Variants in IL1RAPL2 observed in about 807,000 individuals in gnomAD.
IL1RAPL2 encodes the protein X-linked interleukin-1 receptor accessory protein-like 2.
Under a neutral mutation model 44.1 loss-of-function variants are expected in IL1RAPL2, and 3 were observed. That is an observed-to-expected ratio of 0.07 (90% CI 0.03 to 0.18). IL1RAPL2 has a LOEUF of 0.18. Ranked by LOEUF, IL1RAPL2 falls within the 10% of genes least tolerant of loss-of-function variation. The pLI is 1.00. For missense variants in IL1RAPL2, 391 were observed against 496.4 expected (o/e 0.79, Z 2.02); for synonymous variants, 181 against 178.8 (o/e 1.01, Z -0.10).
chrX:105,235,800 C>G (rs1002188552), intron 4 of IL1RAPL2, among the ~76,000 whole-genome samples: 4 of 112,199 alleles, frequency 3.6e-5, no homozygotes, highest in African/African-American at 1.3e-4. Flanking sequence ...TTGTTTAAAT[C>G]TCAGTGCAAC....
At chrX:104,651,240 G>A (rs7879244) in intron 1 of IL1RAPL2, among the ~76,000 whole-genome samples, 18,956 of 111,365 alleles carry the variant, frequency 0.17, 3,934 homozygotes, top group African/African-American at 0.59. Context: ...TAGTTAAATT[G>A]TACAGTTCCA....
At chrX:105,553,522 A>G (rs1270464125) in intron 6 of IL1RAPL2, among the ~76,000 whole-genome samples, 1 of 112,139 alleles carries the variant, frequency 8.9e-6, no homozygotes, top group African/African-American at 3.2e-5. Flanking sequence ...AGAAAGTCCA[A>G]TTAATCAAGG....
intron 5 of IL1RAPL2, among the ~76,000 whole-genome samples, chrX:105,317,060 C>T (rs2034847676): frequency 9.0e-6 from 1 of 111,615 alleles, no homozygotes. Context: ...CCTATTTTCT[C>T]ATCTCACTCT....
intron 2 of IL1RAPL2, among the ~76,000 whole-genome samples, chrX:104,696,193 A>T (rs1931180575): frequency 8.9e-6 from 1 of 112,231 alleles, no homozygotes; most frequent in African/African-American, 3.2e-5. Flanking sequence ...GTAGAACTAC[A>T]TTTCAAGCCC....
intron 2 of IL1RAPL2, among the ~76,000 whole-genome samples, chrX:105,011,648 C>CT (rs2031049629): frequency 9.0e-6 from 1 of 111,133 alleles, no homozygotes; most frequent in Admixed American, 9.6e-5. Context: ...TACTTCGTTC[C>CT]TTTTTATAGT....
chrX:105,594,900 T>C (rs756563299), intron 6 of IL1RAPL2, among the ~76,000 whole-genome samples: 21 of 110,812 alleles, frequency 1.9e-4, no homozygotes, highest in Admixed American at 8.7e-4. Context: ...AGAGAGAAGG[T>C]GGGGAGTATG....
At chrX:104,632,327 T>C (rs1340477368) in intron 1 of IL1RAPL2, among the ~76,000 whole-genome samples, 1 of 111,569 alleles carries the variant, frequency 9.0e-6, no homozygotes, top group Non-Finnish European at 1.9e-5. Flanking sequence ...CGATGCGGGC[T>C]CTTTTTTGGT....
chrX:104,904,687 C>T (rs1420215007), intron 2 of IL1RAPL2, among the ~76,000 whole-genome samples: 10 of 109,961 alleles, frequency 9.1e-5, no homozygotes, highest in African/African-American at 1.7e-4. Context: ...CACATTTTCT[C>T]AATCCAGTCT....
intron 5 of IL1RAPL2, among the ~76,000 whole-genome samples, chrX:105,443,975 C>G (rs1298185050): frequency 8.9e-6 from 1 of 112,173 alleles, no homozygotes; most frequent in Non-Finnish European, 1.9e-5. Context: ...AACAAGGGTT[C>G]CCTTTTCTCC....
rs182830123 is a variant in IL1RAPL2, at chrX:104,577,100, C to T, written c.-20+10049C>T. Reference sequence around the variant, plus strand: ...CTAACTCCATTCATTCTCTTGCCTCCTCCCCTTCCGTTCCCATACTCACCC... The same window carrying T: ...CTAACTCCATTCATTCTCTTGCCTCTTCCCCTTCCGTTCCCATACTCACCC... On this transcript the variant is annotated intron_variant, in intron 1 of 10. Transcript: ENST00000372582. 1.7e-3 allele frequency among the ~76,000 whole-genome samples: 194 copies of T among 111,957 alleles called. 1 individual carries two copies. Among genetic ancestry groups the T allele is most frequent in the Non-Finnish European group, 1.7e-4 (9 of 53,228 alleles).
intron 2 of IL1RAPL2, among the ~76,000 whole-genome samples, chrX:104,945,151 G>T (rs1026942990): frequency 9.9e-5 from 11 of 111,223 alleles, no homozygotes; most frequent in African/African-American, 3.6e-4. Context: ...CTTAATAAAT[G>T]CTAGTTCAAT....
In IL1RAPL2 at chrX:104,569,645, CTA is replaced by C. The variant is rs750613196; in HGVS notation, c.-20+2596_-20+2597del. Among the ~76,000 whole-genome samples, 9 of 112,579 alleles carry C rather than the reference CTA, an allele frequency of 8.0e-5. No individual in the cohort carries two copies. In the South Asian group the frequency reaches 2.6e-3, roughly 32 times the overall value. On this transcript the variant is annotated intron_variant, in intron 1 of 10. Transcript: ENST00000372582. Reference sequence around the variant, plus strand: ...ATAAAAAAGATGAATTATGAAGTGACTATTTCAGTTTTGTTTAAAAGAATAAA... The same window carrying C: ...ATAAAAAAGATGAATTATGAAGTGACTTTCAGTTTTGTTTAAAAGAATAAA...
At chrX:105,315,106 T>G (rs1179070206) in intron 5 of IL1RAPL2, among the ~76,000 whole-genome samples, 2 of 111,612 alleles carry the variant, frequency 1.8e-5, no homozygotes, top group Admixed American at 1.9e-4. Flanking sequence ...GTATATGTGC[T>G]TTCATCCACT....
chrX:105,264,084 G>T (rs757488876), intron 4 of IL1RAPL2, among the ~76,000 whole-genome samples: 1 of 111,170 alleles, frequency 9.0e-6, no homozygotes, highest in Non-Finnish European at 1.9e-5. Context: ...ATCTTGAATT[G>T]TAGTTCCCAT....
chrX:104,939,111 C>T (rs958937201), intron 2 of IL1RAPL2, among the ~76,000 whole-genome samples: 54 of 102,020 alleles, frequency 5.3e-4, no homozygotes, highest in African/African-American at 2.0e-3. Flanking sequence ...GGCTGGAGCG[C>T]AGTGGTGCGA....
At chrX:105,761,178 C>CAA (rs1206941648) in intron 10 of IL1RAPL2, among the ~76,000 whole-genome samples, 2 of 35,334 alleles carry the variant, frequency 5.7e-5, no homozygotes, top group Non-Finnish European at 1.0e-4. Flanking sequence ...GACTCCGTCT[C>CAA]AAAAAAAAAA....
intron 6 of IL1RAPL2, among the ~76,000 whole-genome samples, chrX:105,498,967 C>T (rs929167064): frequency 1.8e-5 from 2 of 110,905 alleles, no homozygotes; most frequent in Admixed American, 9.6e-5. Context: ...CTCATAGGAG[C>T]ATGAACCCTA....
chrX:105,447,109 A>C (rs1318824772), intron 5 of IL1RAPL2, among the ~76,000 whole-genome samples: 13 of 32,610 alleles, frequency 4.0e-4, no homozygotes, highest in South Asian at 3.3e-3. Flanking sequence ...ATATATATAA[A>C]AATATATATA....
intron 6 of IL1RAPL2, among the ~76,000 whole-genome samples, chrX:105,644,014 C>A (rs1325658007): frequency 9.0e-6 from 1 of 111,425 alleles, no homozygotes; most frequent in Non-Finnish European, 1.9e-5. Context: ...GCCTCAGCCT[C>A]CTGAGTAGCT....
Sources: gnomAD v4.1 joint callset for allele counts (sites outside exome capture counted in the v4.1 genomes callset) on GRCh38, gnomAD v4.1.1 for gene constraint, MANE v1.5 for transcripts, NCBI Gene and HGNC (gene_info 2026-07-23, HGNC 2026-07-21) for gene names.